Variants in ARMC9 observed in about 807,000 individuals in gnomAD.
ARMC9 encodes lisH domain-containing protein ARMC9.
A neutral mutation model predicts 107.0 loss-of-function variants in ARMC9; 94 were observed. The observed-to-expected ratio is 0.88, with a 90% CI of 0.74 to 1.04. ARMC9 has a LOEUF of 1.04. ARMC9 is among the 50% of genes least tolerant of loss of function. The pLI is 0.00. For synonymous variants in ARMC9, 380 were observed against 396.9 expected, an observed-to-expected ratio of 0.96 and a Z score of 0.51; for missense variants, 942 against 1,030.1, an observed-to-expected ratio of 0.91 and a Z score of 1.17.
At chr2:231,198,813 A>C (rs1374937518) in intron 1 of ARMC9, 115 bp downstream of exon 1, 2 of 152,418 alleles carry the variant, frequency 1.3e-5, no homozygotes, top group African/African-American at 2.4e-5. Context: ...TCCGAGGAAA[A>C]ACCCGACGCG....
At position 231,320,910 on chromosome 2, in the gene ARMC9, T is replaced by C. The variant is rs370924502; in HGVS notation, c.1774-10883T>C. Among the ~76,000 whole-genome samples the C allele has an allele frequency of 3.4e-4, 52 of 152,298 alleles. No individual in the cohort carries two copies. In the East Asian group the frequency reaches 7.5e-3, roughly 22 times the overall value. ...ACCTGCCAGAGACCCACAAAAATGA[T>C]AGATGCATGGTTAATACTTGCTGAA... is the stretch of plus-strand genomic sequence containing the variant. On this transcript the variant is annotated intron_variant, in intron 19 of 24. Coordinates refer to ENST00000611582, the MANE Select transcript of ARMC9 (RefSeq NM_001352754.2).
chr2:231,305,343 A>G (rs1559435461), intron 19 of ARMC9, among the ~76,000 whole-genome samples: 1 of 152,264 alleles, frequency 6.6e-6, no homozygotes, highest in Non-Finnish European at 1.5e-5. Flanking sequence ...TTGTTCCAGG[A>G]TAAACCATGA....
chr2:231,225,504 T>C (rs1050929559), intron 6 of ARMC9, among the ~76,000 whole-genome samples: 1 of 152,218 alleles, frequency 6.6e-6, no homozygotes, highest in South Asian at 2.1e-4. Flanking sequence ...TGTGGTGTTA[T>C]CCAAATGATG....
chr2:231,208,251 A>G lies in ARMC9; in HGVS notation c.176A>G (p.Gln59Arg), dbSNP rs1214948838. Residue 59 changes from glutamine to arginine, a missense_variant and splice_region_variant, in exon 3 of 25, where the codon CAG becomes CGG. Coordinates refer to ENST00000611582, the MANE Select transcript of ARMC9 (RefSeq NM_001352754.2). ...SFRDSKSLTI[Q>R]KDLVAAFDNG... ...AGAGACTCCAAATCATTGACAATTC[A>G]GGTAACATTTTGCTTATTTTTCATC... 3 of 1,604,798 alleles carry G rather than the reference A, an allele frequency of 1.9e-6. No homozygotes were observed. Among genetic ancestry groups the G allele is most frequent in the Admixed American group, 3.4e-5 (2 of 58,522 alleles).
In ARMC9 at chr2:231,360,907, C is replaced by T. The variant is rs1349904849; in HGVS notation, c.2261+24C>T. 3.3e-6 allele frequency: 5 copies of T among 1,496,990 alleles called. No homozygotes were observed. Among genetic ancestry groups the T allele is most frequent in the East Asian group, 2.5e-5 (1 of 40,596 alleles). 92.7% of individuals were successfully genotyped at this position (1,496,990 alleles called of 1,614,324 possible). ...AGGTAAGGGGGATATCACAAGGCCT[C>T]GAACCTGACTCTCGGAGCTCTGGGA... On this transcript the variant is annotated intron_variant, in intron 23 of 24. Coordinates refer to ENST00000611582, the MANE Select transcript of ARMC9 (RefSeq NM_001352754.2). This position sits in a 1 kb window ranked among gnomAD's most constrained non-coding sequence, Gnocchi z 4.7.
chr2:231,313,785 A>G (rs950456721), intron 19 of ARMC9, among the ~76,000 whole-genome samples: 1 of 151,362 alleles, frequency 6.6e-6, no homozygotes, highest in African/African-American at 2.4e-5. Flanking sequence ...ACAGGGTGTC[A>G]CTCTTGTCAC....
chr2:231,359,080 C>CTTTTCTT (rs2045459724), intron 22 of ARMC9, among the ~76,000 whole-genome samples: 1 of 116,868 alleles, frequency 8.6e-6, no homozygotes, highest in African/African-American at 6.5e-5. Context: ...GGGGGGTCTC[C>CTTTTCTT]TGTTTTTTTT....
Position 231,369,988 on chromosome 2 carries a change from C to A in ARMC9, c.2297C>A (p.Ala766Asp), listed in dbSNP as rs2045955438. Residue 766 changes from alanine to aspartate, a missense_variant, in exon 24 of 25, where the codon GCC becomes GAC. Coordinates refer to ENST00000611582, the MANE Select transcript of ARMC9 (RefSeq NM_001352754.2). ...CASAFTCKPRAPCTPEMLDWN... is the reference protein window; with the variant it reads ...CASAFTCKPRDPCTPEMLDWN... ...TCAGCCTTCACCTGCAAGCCCCGGGCCCCCTGCACTCCAGAGATGCTGGAC... is the reference window on the plus strand; with the variant it reads ...TCAGCCTTCACCTGCAAGCCCCGGGACCCCTGCACTCCAGAGATGCTGGAC... 1 of 1,527,896 alleles carries A rather than the reference C, an allele frequency of 6.5e-7. No individual in the cohort carries two copies. Among genetic ancestry groups the A allele is most frequent in the East Asian group, 2.5e-5 (1 of 40,478 alleles). 94.6% of individuals were successfully genotyped at this position (1,527,896 alleles called of 1,614,324 possible).
chr2:231,262,376 T>C lies in ARMC9; in HGVS notation c.1097T>C (p.Leu366Ser), dbSNP rs376382781. 3.1e-6 allele frequency: 5 copies of C among 1,614,040 alleles called. No homozygotes were observed. Among genetic ancestry groups the C allele is most frequent in the Non-Finnish European group, 4.2e-6 (5 of 1,180,010 alleles). Residue 366 changes from leucine (L) to serine (S), a missense_variant, in exon 12 of 25, where the codon TTG becomes TCG. Coordinates refer to ENST00000611582, the MANE Select transcript of ARMC9 (RefSeq NM_001352754.2). ...VLQAYISNDL[L>S]DCYSHNQRSV... The stretch of plus-strand genomic sequence containing the variant: ...CAAGCCTACATCAGCAATGACCTCT[T>C]GGACTGTTATAGCCACAACCAGGTT...
intron 12 of ARMC9, among the ~76,000 whole-genome samples, chr2:231,266,222 T>C (rs1273737188): frequency 6.6e-6 from 1 of 152,158 alleles, no homozygotes; most frequent in Non-Finnish European, 1.5e-5. Flanking sequence ...TTAAAACAGA[T>C]CACTGGGTCC....
At chr2:231,316,415 C>T (rs1009468716) in intron 19 of ARMC9, among the ~76,000 whole-genome samples, 1 of 151,964 alleles carries the variant, frequency 6.6e-6, no homozygotes, top group African/African-American at 2.4e-5. Flanking sequence ...AATCCCAGCA[C>T]CTTGAGAGGC....
intron 21 of ARMC9, among the ~76,000 whole-genome samples, chr2:231,346,397 T>A (rs1229987424): frequency 6.6e-6 from 1 of 152,126 alleles, no homozygotes; most frequent in Non-Finnish European, 1.5e-5. Flanking sequence ...GGCGGGCACC[T>A]GTAGTCCCAG....
chr2:231,276,464 T>A (rs1230176712), intron 14 of ARMC9, among the ~76,000 whole-genome samples, 172 bp from the exon 15 acceptor site: 2 of 152,142 alleles, frequency 1.3e-5, no homozygotes, highest in Non-Finnish European at 2.9e-5. Flanking sequence ...GAGACGGGGT[T>A]TCACCATGTT....
chr2:231,361,565 G>A (rs1242023930), intron 23 of ARMC9, among the ~76,000 whole-genome samples: 11 of 151,838 alleles, frequency 7.2e-5, no homozygotes, highest in Non-Finnish European at 1.5e-4. Context: ...GGCCCTGTGG[G>A]TTATTAGGGG....
Position 231,358,655 on chromosome 2 carries a change from T to C in ARMC9, c.2132-2099T>C, listed in dbSNP as rs1311456082. ...GGAAACCCCCACCTTCACGCTGAGT[T>C]TCTTGAGGAAGAGCCTTTGCGCTTT... On this transcript the variant is annotated intron_variant, in intron 22 of 24. Coordinates refer to ENST00000611582, the MANE Select transcript of ARMC9 (RefSeq NM_001352754.2). This position sits in a 1 kb window ranked among gnomAD's most constrained non-coding sequence, Gnocchi z 4.5. Among the ~76,000 whole-genome samples the C allele has an allele frequency of 6.6e-6, 1 of 152,158 alleles. No individual in the cohort carries two copies. The highest frequency in any genetic ancestry group is 2.4e-5 in the African/African-American group (1 of 41,428).
In ARMC9 at chr2:231,252,905, GT is replaced by G. The variant is rs574751017; in HGVS notation, c.880-3679del. Among the ~76,000 whole-genome samples, 508 of 151,354 alleles carry G rather than the reference GT, an allele frequency of 3.4e-3. 6 individuals are homozygous for G. The highest frequency in any genetic ancestry group is 0.012 in the African/African-American group (487 of 41,126). ...TCCTCCTGCCTCAGCCTCCCAAAGT[GT>G]TGGGAGTACAGGCGTGAACGGCTAT... On this transcript the variant is annotated intron_variant, in intron 9 of 24. Coordinates refer to ENST00000611582, the MANE Select transcript of ARMC9 (RefSeq NM_001352754.2).
chr2:231,370,279 G>GC (rs2045966206), intron 24 of ARMC9, 154 bp downstream of exon 24: 8 of 872,596 alleles, frequency 9.2e-6, no homozygotes, highest in Non-Finnish European at 1.3e-5. Flanking sequence ...ACACAACCAG[G>GC]CCCCAGCAGG....
At chr2:231,221,859 C>T (rs1210689553) in intron 5 of ARMC9, among the ~76,000 whole-genome samples, 9 of 134,156 alleles carry the variant, frequency 6.7e-5, no homozygotes, top group Admixed American at 5.9e-4. Context: ...GAACTTTCTG[C>T]TCATCTGGCA....
At chr2:231,267,994 G>T (rs2038998840) in intron 12 of ARMC9, among the ~76,000 whole-genome samples, 1 of 152,164 alleles carries the variant, frequency 6.6e-6, no homozygotes, top group South Asian at 2.1e-4. Context: ...ATGAATACCT[G>T]TGATGTATTT....
Sources: allele counts gnomAD v4.1 joint callset (sites outside exome capture counted in the v4.1 genomes callset), GRCh38; gene constraint gnomAD v4.1.1; non-coding constraint Gnocchi (gnomAD v3.1); transcripts MANE v1.5; gene names NCBI Gene and HGNC (gene_info 2026-07-23, HGNC 2026-07-21).